The following EYS variants were observed in gnomAD, a reference collection of about 807,000 sequenced individuals.
The protein encoded by EYS is protein eyes shut homolog.
In EYS, 250 loss-of-function variants were observed where a neutral mutation model predicts 282.1. The ratio of observed to expected loss-of-function variants is 0.89; its 90% CI spans 0.80 to 0.98. The LOEUF (loss-of-function observed/expected upper bound fraction) is 0.98. Among genes scored for constraint, EYS ranks in the 50% least tolerant of loss-of-function variants. The probability of loss-of-function intolerance (pLI) is 0.00; values close to 1 mark genes in which losing one functional copy is unlikely to be tolerated. For synonymous variants in EYS, 1,355 were observed against 1,282.9 expected, an observed-to-expected ratio of 1.06 and a Z score of -1.20; for missense variants, 4,016 against 3,709.0, an observed-to-expected ratio of 1.08 and a Z score of -2.15.
intron 29 of EYS, among the ~76,000 whole-genome samples, chr6:64,331,004 C>T (rs544802187): frequency 4.0e-4 from 61 of 152,268 alleles, no homozygotes; most frequent in South Asian, 1.2e-3. Context: ...ATGTTGAATA[C>T]TTTACTGATG....
chr6:65,200,553 G>T (rs1274404871), intron 12 of EYS, among the ~76,000 whole-genome samples: 1 of 151,576 alleles, frequency 6.6e-6, no homozygotes, highest in Admixed American at 6.6e-5. Context: ...AAAGAGAAAA[G>T]AAGAGATGCT....
intron 26 of EYS, among the ~76,000 whole-genome samples, chr6:64,492,433 GCCATCTGAAGTC>G (rs1776766362): frequency 6.6e-6 from 1 of 150,790 alleles, no homozygotes; most frequent in Non-Finnish European, 1.5e-5. Flanking sequence ...TACATATGGA[GCCATCTGAAGTC>G]CCAGTTCATG....
intron 29 of EYS, among the ~76,000 whole-genome samples, chr6:64,369,447 A>C (rs953752161): frequency 6.6e-6 from 1 of 152,148 alleles, no homozygotes; most frequent in Admixed American, 6.5e-5. Context: ...TCTTTGAAGA[A>C]TGTCACTGGT....
At chr6:64,823,799 A>G (rs1043834812) in intron 19 of EYS, among the ~76,000 whole-genome samples, 2 of 151,900 alleles carry the variant, frequency 1.3e-5, no homozygotes, top group African/African-American at 4.8e-5. Flanking sequence ...GCTTCTGATC[A>G]TTACTTTAAA....
intron 18 of EYS, among the ~76,000 whole-genome samples, chr6:64,900,608 C>T (rs1425898765): frequency 6.6e-6 from 1 of 152,052 alleles, no homozygotes; most frequent in Non-Finnish European, 1.5e-5. Flanking sequence ...GACATTTATG[C>T]AGGCAACAAA....
At chr6:63,916,008 G>T (rs1432475157) in intron 35 of EYS, among the ~76,000 whole-genome samples, 1 of 152,208 alleles carries the variant, frequency 6.6e-6, no homozygotes, top group African/African-American at 2.4e-5. Context: ...TAAAGCAGTG[G>T]TAGGATTTGA....
chr6:63,761,210 G>A (rs1485739273), intron 41 of EYS, among the ~76,000 whole-genome samples: 1 of 151,960 alleles, frequency 6.6e-6, no homozygotes, highest in Non-Finnish European at 1.5e-5. Flanking sequence ...AGCATTCTAG[G>A]CAGAGGGAAG....
chr6:64,961,495 T>C (rs1769916442), intron 14 of EYS, among the ~76,000 whole-genome samples: 1 of 152,070 alleles, frequency 6.6e-6, no homozygotes, highest in African/African-American at 2.4e-5. Flanking sequence ...TACACATAAA[T>C]TGTATATTTG....
At chr6:64,583,146 T>G (rs1335108275) in intron 26 of EYS, among the ~76,000 whole-genome samples, 1 of 151,910 alleles carries the variant, frequency 6.6e-6, no homozygotes, top group Middle Eastern at 3.2e-3. Flanking sequence ...CTTGGAGAGG[T>G]ATGGTTGGAA....
At chr6:64,070,217 G>A (rs1771523588) in intron 32 of EYS, among the ~76,000 whole-genome samples, 1 of 152,094 alleles carries the variant, frequency 6.6e-6, no homozygotes, top group South Asian at 2.1e-4. Flanking sequence ...ACATTAAAAT[G>A]TTATTGGTCT....
At chr6:64,792,889 T>C (rs923635848) in intron 22 of EYS, among the ~76,000 whole-genome samples, 6 of 152,002 alleles carry the variant, frequency 3.9e-5, no homozygotes, top group Non-Finnish European at 8.8e-5. Context: ...AGATGTAACA[T>C]TAAGGGAAGA....
At chr6:64,846,654 G>A (rs1290330145) in intron 19 of EYS, among the ~76,000 whole-genome samples, 1 of 151,888 alleles carries the variant, frequency 6.6e-6, no homozygotes, top group African/African-American at 2.4e-5. Context: ...TATTCTCAAA[G>A]CAATTGTTAA....
At chr6:65,088,520 A>C (rs1310400053) in intron 12 of EYS, among the ~76,000 whole-genome samples, 1 of 152,182 alleles carries the variant, frequency 6.6e-6, no homozygotes, top group Non-Finnish European at 1.5e-5. Context: ...GTAGAAGTTT[A>C]AACTTGAGAG....
chr6:64,988,344 T>C (rs1485801389), intron 14 of EYS, among the ~76,000 whole-genome samples: 11 of 151,564 alleles, frequency 7.3e-5, no homozygotes, highest in Non-Finnish European at 1.5e-5. Flanking sequence ...CCCAAGAGCC[T>C]CAGCATCCGA....
intron 22 of EYS, among the ~76,000 whole-genome samples, chr6:64,812,351 GTAA>G (rs1562204762): frequency 1.3e-5 from 2 of 151,554 alleles, no homozygotes. Flanking sequence ...TATCTATGTC[GTAA>G]TAATAAATAA....
At chr6:64,916,983 G>A (rs1479510457) in intron 15 of EYS, among the ~76,000 whole-genome samples, 2 of 152,222 alleles carry the variant, frequency 1.3e-5, no homozygotes, top group African/African-American at 4.8e-5. Flanking sequence ...AGGTGCGTTG[G>A]CTCACGCCTG....
intron 26 of EYS, among the ~76,000 whole-genome samples, chr6:64,551,299 T>G (rs981601602): frequency 7.3e-5 from 11 of 151,106 alleles, no homozygotes; most frequent in Non-Finnish European, 1.6e-4. Flanking sequence ...GTTTGGAGAG[T>G]ACCTTTTTAA....
chr6:65,374,341 G>A (rs1417152346), intron 8 of EYS, among the ~76,000 whole-genome samples: 1 of 152,064 alleles, frequency 6.6e-6, no homozygotes, highest in Non-Finnish European at 1.5e-5. Flanking sequence ...GAGGGTTTGT[G>A]CCATGAGGGA....
chr6:63,919,328 T>TC (rs908210140), intron 35 of EYS, among the ~76,000 whole-genome samples: 2 of 143,414 alleles, frequency 1.4e-5, no homozygotes, highest in African/African-American at 5.1e-5. Context: ...TTTTTTTTTT[T>TC]TTTTTTTGTG....
Sources: allele counts gnomAD v4.1 joint callset (sites outside exome capture counted in the v4.1 genomes callset), GRCh38; gene constraint gnomAD v4.1.1; transcripts MANE v1.5; gene names NCBI Gene and HGNC (gene_info 2026-07-23, HGNC 2026-07-21).